MYH10: variants seen among roughly 807,000 people sequenced by gnomAD.
The protein encoded by MYH10 is myosin-10.
Under a neutral mutation model 257.8 loss-of-function variants are expected in MYH10, and 55 were observed. The ratio of observed to expected loss-of-function variants is 0.21; its 90% CI spans 0.17 to 0.27. The LOEUF (loss-of-function observed/expected upper bound fraction) is 0.27. Among genes scored for constraint, MYH10 ranks in the 10% least tolerant of loss-of-function variants. The pLI is 1.00. For missense variants in MYH10, 1,631 were observed against 2,500.6 expected (o/e 0.65, Z 7.42); for synonymous variants, 854 against 921.7 (o/e 0.93, Z 1.33).
chr17:8,591,643 C>T (rs975817797), intron 3 of MYH10, among the ~76,000 whole-genome samples: 4 of 152,116 alleles, frequency 2.6e-5, no homozygotes, highest in Non-Finnish European at 4.4e-5. Flanking sequence ...TAACCCAAAT[C>T]GAATTGCCTC....
At position 8,493,778 on chromosome 17, in the gene MYH10, C is replaced by T; in HGVS notation, c.4164G>A (p.Glu1388=). Residue 1388 remains glutamate (E), a synonymous_variant, in exon 32 of 43, where the codon GAG becomes GAA. Coordinates refer to ENST00000360416, the MANE Select transcript of MYH10 (RefSeq NM_001256012.3). ...CTTGCTTCTCCAGGTTCTTCCTGGC[C>T]TCCTCCTCCTCCTCCTGCTGCTCCT... ...SLQEQQEEEE[E]ARKNLEKQVL... 1 of 1,570,352 alleles carries T rather than the reference C, an allele frequency of 6.4e-7. No individual in the cohort carries two copies. The highest frequency in any genetic ancestry group is 8.7e-7 in the Non-Finnish European group (1 of 1,155,662).
Position 8,526,072 on chromosome 17 carries a change from T to C in MYH10, c.1957+4551A>G, listed in dbSNP as rs537772399. ...TCTCAAAGTGCTGGGATTACAGGCG[T>C]GAGCCACCGCGCCCAGCCGTTTTTA... On this transcript the variant is annotated intron_variant, in intron 17 of 42. Coordinates refer to ENST00000360416, the MANE Select transcript of MYH10 (RefSeq NM_001256012.3). Among the ~76,000 whole-genome samples the C allele has an allele frequency of 9.2e-5, 14 of 152,356 alleles. No individual in the cohort carries two copies. The South Asian group carries it at 2.9e-3, about 32-fold the overall frequency.
Position 8,481,314 on chromosome 17 carries a change from A to G in MYH10, c.5264+8T>C. ...CGAAGAACCCACCCCCGGCCGTGGG[A>G]GACTCACTTGCCAGAGGCGCTGTTG... On this transcript the variant is annotated splice_region_variant and intron_variant, in intron 38 of 42. Coordinates refer to ENST00000360416, the MANE Select transcript of MYH10 (RefSeq NM_001256012.3). The G allele has an allele frequency of 3.1e-6, 5 of 1,613,494 alleles. No individual in the cohort carries two copies. The highest frequency in any genetic ancestry group is 4.2e-6 in the Non-Finnish European group (5 of 1,179,896).
chr17:8,602,180 G>A (rs1329175426), intron 3 of MYH10, among the ~76,000 whole-genome samples: 1 of 152,078 alleles, frequency 6.6e-6, no homozygotes, highest in Non-Finnish European at 1.5e-5. Flanking sequence ...GGGTTTCACC[G>A]TGTTAGCCAG....
At chr17:8,518,197 A>G (rs2081537688) in intron 21 of MYH10, among the ~76,000 whole-genome samples, 1 of 146,046 alleles carries the variant, frequency 6.8e-6, no homozygotes, top group Non-Finnish European at 1.5e-5. Context: ...CAGTGGTACC[A>G]TCTTGGCTTA....
At chr17:8,546,398 TA>T (rs35537538) in intron 12 of MYH10, 145 bp downstream of exon 12, 237,794 of 509,448 alleles carry the variant, frequency 0.47, 37,616 homozygotes, top group Middle Eastern at 0.54. Flanking sequence ...TAAATATACT[TA>T]AAAAAAAAAA....
intron 14 of MYH10, among the ~76,000 whole-genome samples, chr17:8,540,770 A>G (rs2082270665): frequency 6.6e-6 from 1 of 152,202 alleles, no homozygotes; most frequent in East Asian, 1.9e-4. Flanking sequence ...CAATAGTACT[A>G]ATGTGAAATA....
At chr17:8,620,832 G>C (rs866249122) in intron 2 of MYH10, among the ~76,000 whole-genome samples, 1 of 152,044 alleles carries the variant, frequency 6.6e-6, no homozygotes, top group South Asian at 2.1e-4. Flanking sequence ...CCCAAACCCC[G>C]ACCTCTGTGT....
intron 3 of MYH10, among the ~76,000 whole-genome samples, chr17:8,596,609 T>G (rs992891244): frequency 1.4e-5 from 2 of 144,342 alleles, no homozygotes; most frequent in Non-Finnish European, 3.0e-5. Context: ...GCAACCTTAT[T>G]CTTAAAATGC....
intron 7 of MYH10, among the ~76,000 whole-genome samples, chr17:8,557,796 A>G (rs2082856587): frequency 2.0e-5 from 3 of 152,228 alleles, no homozygotes; most frequent in Non-Finnish European, 4.4e-5. Flanking sequence ...GGCAAAAACA[A>G]TATTACTCTG....
At chr17:8,525,878 C>T (rs370154652) in intron 17 of MYH10, among the ~76,000 whole-genome samples, 4 of 152,128 alleles carry the variant, frequency 2.6e-5, no homozygotes, top group African/African-American at 4.8e-5. Context: ...GAGCAACCTC[C>T]GCCTCCTGGG....
rs1263330598 is a variant in MYH10 at position 8,500,821 on chromosome 17, C to T, written c.3744+5G>A. 1.9e-6 allele frequency: 3 copies of T among 1,611,726 alleles called. No homozygotes were observed. Among genetic ancestry groups the T allele is most frequent in the Admixed American group, 1.7e-5 (1 of 59,754 alleles). The stretch of plus-strand genomic sequence containing the variant: ...GGCCACAGCACACGGCAGGGCCTCC[C>T]TTACCCGCTTGGCCTGTTCCAGCTG... On this transcript the variant is annotated splice_donor_5th_base_variant and intron_variant, in intron 29 of 42. Transcript: ENST00000360416.
chr17:8,527,720 T>C (rs1383625228), intron 17 of MYH10, among the ~76,000 whole-genome samples: 4 of 152,216 alleles, frequency 2.6e-5, no homozygotes, highest in Non-Finnish European at 4.4e-5. Context: ...CAGGTTCACG[T>C]TGCCTCAGTT....
chr17:8,478,715 C>T (rs1469021655), intron 40 of MYH10, among the ~76,000 whole-genome samples: 1 of 152,142 alleles, frequency 6.6e-6, no homozygotes, highest in Non-Finnish European at 1.5e-5. Context: ...AGGTATTCAT[C>T]ATTGTACTCA....
In MYH10 at chr17:8,622,784, T is replaced by C. The variant is rs1222240909; in HGVS notation, c.345+118A>G. Reference sequence around the variant, plus strand: ...CAAATCTTTCTATCTTAAAGAGAAATAGAAATGTTAAACAGAGAGTTTGGG... The same window carrying C: ...CAAATCTTTCTATCTTAAAGAGAAACAGAAATGTTAAACAGAGAGTTTGGG... On this transcript the variant is annotated intron_variant, in intron 2 of 42. Coordinates refer to ENST00000360416, the MANE Select transcript of MYH10 (RefSeq NM_001256012.3). 3.0e-5 allele frequency: 36 copies of C among 1,210,844 alleles called. 1 individual carries two copies. Among genetic ancestry groups the C allele is most frequent in the Middle Eastern group, 5.5e-4 (2 of 3,660 alleles). 75.0% of individuals were successfully genotyped at this position (1,210,844 alleles called of 1,614,324 possible). A position where few individuals can be genotyped will look rare whatever the true frequency, so the allele number is the denominator to read the frequency against.
At chr17:8,590,746 T>A (rs1044171778) in intron 3 of MYH10, among the ~76,000 whole-genome samples, 5 of 152,254 alleles carry the variant, frequency 3.3e-5, no homozygotes, top group African/African-American at 7.2e-5. Context: ...TATCCTTTCT[T>A]CCAACATACT....
intron 3 of MYH10, among the ~76,000 whole-genome samples, chr17:8,600,704 G>C (rs757630701): frequency 6.6e-6 from 1 of 152,202 alleles, no homozygotes; most frequent in Non-Finnish European, 1.5e-5. Context: ...GCTGCTGAAA[G>C]TAATGAGTGG....
intron 13 of MYH10, among the ~76,000 whole-genome samples, chr17:8,542,483 G>A (rs1423489463): frequency 6.6e-6 from 1 of 152,140 alleles, no homozygotes; most frequent in African/African-American, 2.4e-5. Context: ...TTTTGAAAAG[G>A]TAAAGAGAAA....
At chr17:8,562,719 G>A (rs11867912) in intron 7 of MYH10, among the ~76,000 whole-genome samples, 2,584 of 152,242 alleles carry the variant, frequency 0.017, 80 homozygotes, top group African/African-American at 0.058. Context: ...AGAAACAAGT[G>A]AAATTACACG....
Sources: allele counts gnomAD v4.1 joint callset (sites outside exome capture counted in the v4.1 genomes callset), GRCh38; gene constraint gnomAD v4.1.1; transcripts MANE v1.5; gene names NCBI Gene and HGNC (gene_info 2026-07-23, HGNC 2026-07-21).